Variants in KCNQ2 observed in about 807,000 individuals in gnomAD.
The protein encoded by KCNQ2 is potassium voltage-gated channel subfamily Q member 2, also known as potassium voltage-gated channel subfamily KQT member 2.
Under a neutral mutation model 84.8 loss-of-function variants are expected in KCNQ2, and 14 were observed. That is an observed-to-expected ratio of 0.17 (90% confidence interval 0.11 to 0.26). KCNQ2 has a LOEUF of 0.26. Ranked by LOEUF, KCNQ2 falls within the 10% of genes least tolerant of loss-of-function variation. KCNQ2 has a pLI of 1.00. For missense variants in KCNQ2, 788 were observed against 1,254.0 expected, an observed-to-expected ratio of 0.63 and a Z score of 5.61; for synonymous variants, 599 against 554.1, an observed-to-expected ratio of 1.08 and a Z score of -1.14.
intron 8 of KCNQ2, among the ~76,000 whole-genome samples, chr20:63,432,034 T>TCAGGGAAGGCCACACCCA (rs2080813803): frequency 7.9e-6 from 1 of 126,570 alleles, no homozygotes; most frequent in Non-Finnish European, 1.7e-5. Context: ...GGCTCCACCC[T>TCAGGGAAGGCCACACCCA]CAGGGAAGGA....
chr20:63,414,143 C>G lies in KCNQ2; in HGVS notation c.1576G>C (p.Glu526Gln), dbSNP rs765124891. 6.2e-7 allele frequency: 1 copy of G among 1,613,616 alleles called. No individual in the cohort carries two copies. The highest frequency in any genetic ancestry group is 8.5e-7 in the Non-Finnish European group (1 of 1,179,990). Residue 526 changes from glutamate to glutamine, a missense_variant, in exon 14 of 17, where the codon GAG becomes CAG. Physicochemically the swap from Glu to Gln is conservative, Grantham distance 29. Coordinates refer to ENST00000359125, the MANE Select transcript of KCNQ2 (RefSeq NM_172107.4). The surrounding 1 kb of genome is among the most constrained non-coding windows in gnomAD (Gnocchi z 6.6). Reference protein sequence around the residue: ...DIVDDKSCPCEFVTEDLTPGL... With the variant: ...DIVDDKSCPCQFVTEDLTPGL... Reference sequence around the variant, plus strand: ...GGGGTCAGGTCCTCGGTCACAAACTCGCAGGGGCAGCTCTTGTCATCCACA... The same window carrying G: ...GGGGTCAGGTCCTCGGTCACAAACTGGCAGGGGCAGCTCTTGTCATCCACA...
intron 1 of KCNQ2, among the ~76,000 whole-genome samples, chr20:63,455,540 C>G (rs545928151): frequency 6.6e-6 from 1 of 152,052 alleles, no homozygotes; most frequent in Non-Finnish European, 1.5e-5. Flanking sequence ...CATGGAGCAG[C>G]GGGGGATCTC....
chr20:63,411,280 C>T (rs542638402), intron 15 of KCNQ2, among the ~76,000 whole-genome samples: 6 of 152,292 alleles, frequency 3.9e-5, no homozygotes, highest in African/African-American at 1.4e-4. Flanking sequence ...TCCACCTGCT[C>T]GGAGCCACCC....
intron 15 of KCNQ2, among the ~76,000 whole-genome samples, chr20:63,409,672 A>G (rs1296791562): frequency 6.6e-6 from 1 of 152,212 alleles, no homozygotes; most frequent in Non-Finnish European, 1.5e-5. Context: ...TGGTACATGA[A>G]GACTGCCCCA....
rs751907059 is a variant in KCNQ2, at chr20:63,415,020, C to T, written c.1408G>A (p.Asp470Asn). The T allele has an allele frequency of 1.6e-5, 25 of 1,610,140 alleles. No individual in the cohort carries two copies. In the South Asian group the frequency reaches 1.9e-4, roughly 12 times the overall value. ...AQTVRRSPSA[D>N]QSLEDSPSKV... ...CTGGGGCTGTCCTCGAGGCTCTGGT[C>T]GGCGCTGGGTGACCGCCTCACAGTC... Residue 470 changes from aspartate (D) to asparagine (N), a missense_variant, in exon 13 of 17, where the codon GAC becomes AAC. Around this residue, in one of 8 missense-constraint regions of KCNQ2, gnomAD observed 202 missense variants for 239.4 expected, o/e 0.84. Transcript: ENST00000359125.
intron 4 of KCNQ2, among the ~76,000 whole-genome samples, chr20:63,443,114 C>CCATCACCATCACCACCATCAT (rs2081277779): frequency 1.1e-5 from 1 of 88,456 alleles, no homozygotes. Flanking sequence ...ATCACCACCA[C>CCATCACCATCACCACCATCAT]CACTATCACC....
In KCNQ2 at chr20:63,408,852, C is replaced by T. The variant is rs1354683285; in HGVS notation, c.1764-316G>A. Among the ~76,000 whole-genome samples, 2 of 152,132 alleles carry T rather than the reference C, an allele frequency of 1.3e-5. No homozygotes were observed. The highest frequency in any genetic ancestry group is 2.9e-5 in the Non-Finnish European group (2 of 67,998). Reference sequence around the variant, plus strand: ...TCCGTGGGCTCCCGGCTCCATACCGCCCCCTCCAGCCAGCCCCACCTGCTC... The same window carrying T: ...TCCGTGGGCTCCCGGCTCCATACCGTCCCCTCCAGCCAGCCCCACCTGCTC... On this transcript the variant is annotated intron_variant, in intron 15 of 16. Transcript: ENST00000359125. The surrounding 1 kb of genome is among the most constrained non-coding windows in gnomAD (Gnocchi z 5.0).
Position 63,414,760 on chromosome 20 carries a change from C to T in KCNQ2, c.1525+143G>A. On this transcript the variant is annotated intron_variant, in intron 13 of 16. Transcript: ENST00000359125. This position sits in a 1 kb window ranked among gnomAD's most constrained non-coding sequence, Gnocchi z 6.6. ...AGTTAATTTTAGGTTGCACAAGTCT[C>T]ACCTCAATTTTAGAAAGGATAGGGG... The T allele has an allele frequency of 1.3e-6, 1 of 786,434 alleles. No homozygotes were observed. 48.7% of individuals were successfully genotyped at this position (786,434 alleles called of 1,614,324 possible).
intron 1 of KCNQ2, among the ~76,000 whole-genome samples, chr20:63,455,775 C>T (rs1158890706): frequency 6.6e-6 from 1 of 151,430 alleles, no homozygotes; most frequent in East Asian, 1.9e-4. Context: ...GGGCCCCCAC[C>T]TCCGGGAGAC....
chr20:63,411,695 C>T (rs1230629275), intron 15 of KCNQ2: 1 of 554,612 alleles, frequency 1.8e-6, no homozygotes, highest in African/African-American at 2.0e-5. Flanking sequence ...AAGGGTGGTA[C>T]AAGGTGCTGC....
At chr20:63,431,115 C>T (rs111502530) in intron 9 of KCNQ2, among the ~76,000 whole-genome samples, 2 of 152,202 alleles carry the variant, frequency 1.3e-5, no homozygotes, top group African/African-American at 4.8e-5. Flanking sequence ...CCTGGGAGGG[C>T]AGGGTTGGCA....
chr20:63,454,633 G>A (rs570779287), intron 1 of KCNQ2, among the ~76,000 whole-genome samples: 29 of 152,378 alleles, frequency 1.9e-4, no homozygotes, highest in Middle Eastern at 3.4e-3. Context: ...CCTACAAACC[G>A]TGGTGTCCCC....
intron 4 of KCNQ2, among the ~76,000 whole-genome samples, chr20:63,443,433 T>C (rs199621075): frequency 0.026 from 482 of 18,756 alleles, 1 homozygote; most frequent in East Asian, 0.092. Flanking sequence ...ATCATCACCA[T>C]CACCATCACC....
intron 1 of KCNQ2, among the ~76,000 whole-genome samples, chr20:63,461,729 C>G (rs1254162076): frequency 6.1e-4 from 64 of 104,476 alleles, no homozygotes; most frequent in East Asian, 1.2e-3. Context: ...GGGCAGCAGG[C>G]AGGAGGCTGC....
At chr20:63,442,767 TCACCATCAC>T (rs2081225349) in intron 4 of KCNQ2, among the ~76,000 whole-genome samples, 5 of 24,436 alleles carry the variant, frequency 2.0e-4, no homozygotes, top group South Asian at 1.8e-3. Context: ...ATCACCACCA[TCACCATCAC>T]CACCACCACC....
At chr20:63,463,989 C>G (rs2082020465) in intron 1 of KCNQ2, 3 of 152,146 alleles carry the variant, frequency 2.0e-5, no homozygotes, top group Admixed American at 1.3e-4. Flanking sequence ...AACCCACTCC[C>G]CGCCGGACTT....
intron 7 of KCNQ2, among the ~76,000 whole-genome samples, chr20:63,437,630 C>T (rs1299893118): frequency 6.6e-6 from 1 of 152,212 alleles, no homozygotes; most frequent in Non-Finnish European, 1.5e-5. Context: ...GCATTTAGGG[C>T]CCACCTGGGG....
chr20:63,439,275 C>T (rs564583676), intron 6 of KCNQ2, among the ~76,000 whole-genome samples: 17 of 152,336 alleles, frequency 1.1e-4, no homozygotes, highest in Non-Finnish European at 2.2e-4. Context: ...TGTCACCAGC[C>T]GCCCTGCTCC....
intron 15 of KCNQ2, chr20:63,411,679 C>T (rs1351425678): frequency 2.3e-5 from 12 of 525,684 alleles, no homozygotes; most frequent in Admixed American, 7.5e-5. Flanking sequence ...CCCTCTGTCC[C>T]GGGGAAAGGG....
Sources: allele counts gnomAD v4.1 joint callset (sites outside exome capture counted in the v4.1 genomes callset), GRCh38; gene constraint gnomAD v4.1.1; regional missense constraint gnomAD v4.1.1; non-coding constraint Gnocchi (gnomAD v3.1); transcripts MANE v1.5; gene names NCBI Gene and HGNC (gene_info 2026-07-23, HGNC 2026-07-21).